ARHGAP9: variants seen among roughly 807,000 people sequenced by gnomAD.
ARHGAP9 encodes the protein Rho GTPase activating protein 9.
In ARHGAP9, 76 loss-of-function variants were observed where a neutral mutation model predicts 87.3. That is an observed-to-expected ratio of 0.87 (90% CI 0.72 to 1.05). ARHGAP9 has a LOEUF of 1.05. ARHGAP9 is among the 50% of genes least tolerant of loss of function. The pLI is 0.00. For synonymous variants in ARHGAP9, 382 were observed against 394.9 expected (o/e 0.97, Z 0.39); for missense variants, 941 against 960.5 (o/e 0.98, Z 0.27).
upstream of ARHGAP9, among the ~76,000 whole-genome samples, chr12:57,482,506 C>T (rs1038281864): frequency 4.6e-5 from 7 of 152,060 alleles, no homozygotes; most frequent in African/African-American, 1.4e-4. Flanking sequence ...TCCCAAAGTC[C>T]TGGGATTACA....
Position 57,478,665 on chromosome 12 carries a change from G to C in ARHGAP9, c.409C>G (p.Arg137Gly), listed in dbSNP as rs3802989. Reference protein sequence around the residue: ...ASSEQPPPLPRKMCRSVSTDN... With the variant: ...ASSEQPPPLPGKMCRSVSTDN... Reference sequence around the variant, plus strand: ...GTGCTGACGCTCCTACACATTTTGCGGGGAAGTGGAGGAGGCTGCTCCGAG... The same window carrying C: ...GTGCTGACGCTCCTACACATTTTGCCGGGAAGTGGAGGAGGCTGCTCCGAG... Residue 137 changes from arginine to glycine, a missense_variant, in exon 3 of 18, where the codon CGC becomes GGC. By Grantham distance (125) the Arg-to-Gly change is moderately radical. Transcript: ENST00000393791. 1.9e-6 allele frequency: 3 copies of C among 1,614,144 alleles called. No homozygotes were observed. The highest frequency in any genetic ancestry group is 1.7e-6 in the Non-Finnish European group (2 of 1,180,036).
intron 3 of ARHGAP9, chr12:57,478,201 G>A (rs1447826814): frequency 1.5e-5 from 5 of 332,900 alleles, no homozygotes; most frequent in Non-Finnish European, 2.8e-5. Context: ...AAGAGCACAG[G>A]GCTGGCCTTT....
chr12:57,476,613 A>G lies in ARHGAP9; in HGVS notation c.1002T>C (p.Ile334=). 6.2e-7 allele frequency: 1 copy of G among 1,614,148 alleles called. No individual in the cohort carries two copies. The highest frequency in any genetic ancestry group is 1.1e-5 in the South Asian group (1 of 91,084). ...EKSGLLNMTK[I]AQGGRKLRKN... Reference sequence around the variant, plus strand: ...ACCTGAGCTTGCGCCCCCCTTGGGCAATCTTGGTCATGTTGAGCAGACCCG... The same window carrying G: ...ACCTGAGCTTGCGCCCCCCTTGGGCGATCTTGGTCATGTTGAGCAGACCCG... Residue 334 remains isoleucine, a synonymous_variant, in exon 7 of 18, where the codon ATT becomes ATC. Coordinates refer to ENST00000393791, the MANE Select transcript of ARHGAP9 (RefSeq NM_032496.4).
Position 57,476,972 on chromosome 12 carries a change from G to C in ARHGAP9, c.871-9C>G, listed in dbSNP as rs1407474005. 6 of 1,612,100 alleles carry C rather than the reference G, an allele frequency of 3.7e-6. No individual in the cohort carries two copies. In the Admixed American group the frequency reaches 1.0e-4, roughly 27 times the overall value. ...CTGAGGCTGAGTGAACCCTAGGGGAGAGGATTGGAGAAACAGGTGGGGAAA... is the reference window on the plus strand; with the variant it reads ...CTGAGGCTGAGTGAACCCTAGGGGACAGGATTGGAGAAACAGGTGGGGAAA... On this transcript the variant is annotated splice_polypyrimidine_tract_variant and intron_variant, in intron 5 of 17. Coordinates refer to ENST00000393791, the MANE Select transcript of ARHGAP9 (RefSeq NM_032496.4).
rs369191928 is a variant in ARHGAP9 at position 57,476,919 on chromosome 12, T to G, written c.915A>C (p.Pro305=). ...GCAGAGGTCGAGGGGCCTGCAAGGC[T>G]GGAGGGTCAAGCTGCGAGGTGCGTT... is the stretch of plus-strand genomic sequence containing the variant. The part of the protein sequence containing the change: ...LSQRTSQLDP[P]ALQAPRPLPQ... The change falls in exon 6 of 18, where the codon CCA becomes CCC. Residue 305 remains proline (P), a synonymous_variant. Transcript: ENST00000393791. The G allele has an allele frequency of 2.2e-5, 35 of 1,613,568 alleles. No homozygotes were observed. In the African/African-American group the frequency reaches 4.4e-4, roughly 20 times the overall value.
chr12:57,474,831 C>CT, intron 13 of ARHGAP9, 44 bp downstream of exon 13: 1 of 1,612,578 alleles, frequency 6.2e-7, no homozygotes, highest in Non-Finnish European at 8.5e-7. Flanking sequence ...AATTCTAGGC[C>CT]TTAGCCTGTT....
chr12:57,488,596 G>A (rs1221050644), intron 1 of ARHGAP9: 1 of 1,550,938 alleles, frequency 6.4e-7, no homozygotes, highest in Admixed American at 2.0e-5. Context: ...ACACACACAC[G>A]TTCCTTTCTG....
chr12:57,478,374 G>A (rs1874510073), intron 3 of ARHGAP9, 166 bp downstream of exon 3: 1 of 699,878 alleles, frequency 1.4e-6, no homozygotes, highest in Non-Finnish European at 2.3e-6. Context: ...CACCACCTCA[G>A]CCACTCTCCA....
At chr12:57,488,759 G>T (rs1199676766) in exon 1 of ARHGAP9, 1 of 1,165,924 alleles carries the variant, frequency 8.6e-7, no homozygotes, top group Non-Finnish European at 1.2e-6. Context: ...GTTCTTGGCT[G>T]CAGCACTATC....
chr12:57,477,800 G>A, intron 3 of ARHGAP9, 120 bp from the exon 4 acceptor site: 1 of 1,534,178 alleles, frequency 6.5e-7, no homozygotes, highest in Non-Finnish European at 8.7e-7. Context: ...GCTCTGGGCT[G>A]AGGTGACCCA....
chr12:57,486,037 A>C (rs1875368837), intron 1 of ARHGAP9, among the ~76,000 whole-genome samples: 1 of 152,224 alleles, frequency 6.6e-6, no homozygotes. Flanking sequence ...ATAGCCTGCA[A>C]CTGAAGCTGC....
intron 1 of ARHGAP9, chr12:57,487,966 T>G (rs1419291667): frequency 6.7e-6 from 5 of 749,132 alleles, no homozygotes; most frequent in Non-Finnish European, 1.2e-5. Context: ...TAGTCTACTT[T>G]CCGGTAGCGG....
At chr12:57,478,447 G>C (rs1874522680) in intron 3 of ARHGAP9, 93 bp downstream of exon 3, 21 of 1,240,456 alleles carry the variant, frequency 1.7e-5, no homozygotes, top group Non-Finnish European at 2.3e-5. Context: ...ATTTGTTTTT[G>C]TGTTTGTCAT....
At chr12:57,472,799 C>A in intron 17 of ARHGAP9, 111 bp from the exon 18 acceptor site, 1 of 1,176,478 alleles carries the variant, frequency 8.5e-7, no homozygotes, top group Admixed American at 2.2e-5. Flanking sequence ...TGGGATTCCT[C>A]CACATGGTAA....
upstream of ARHGAP9, chr12:57,483,909 C>T: frequency 2.2e-6 from 1 of 453,816 alleles, no homozygotes; most frequent in African/African-American, 2.0e-5. Flanking sequence ...GTGTGCTGGC[C>T]CAGCTACTGT....
At chr12:57,473,200 G>T (rs1872415621) in intron 17 of ARHGAP9, among the ~76,000 whole-genome samples, 1 of 152,124 alleles carries the variant, frequency 6.6e-6, no homozygotes, top group Non-Finnish European at 1.5e-5. Context: ...ATCACCTGAG[G>T]TCAGGAGTTC....
At chr12:57,481,498 A>T (rs1875001872), upstream of ARHGAP9, among the ~76,000 whole-genome samples, 1 of 151,732 alleles carries the variant, frequency 6.6e-6, no homozygotes, top group Admixed American at 6.6e-5. Context: ...TGATCTGCCC[A>T]CCTCAGCCTC....
At position 57,475,890 on chromosome 12, in the gene ARHGAP9, G is replaced by A; in HGVS notation, c.1254C>T (p.Asp418=). 6.2e-7 allele frequency: 1 copy of A among 1,613,850 alleles called. No individual in the cohort carries two copies. The highest frequency in any genetic ancestry group is 2.2e-5 in the East Asian group (1 of 44,852). ...GCCAGGCTCGCAGCTCTGTCTCGTG[G>A]TCCGACTGCAGCAGGAACTCGTGGC... ...IPGHEFLLQS[D]HETELRAWHR... is the part of the protein sequence containing the mutation. The change falls in exon 10 of 18, where the codon GAC becomes GAT. Residue 418 remains aspartate, a synonymous_variant. Coordinates refer to ENST00000393791, the MANE Select transcript of ARHGAP9 (RefSeq NM_032496.4).
intron 1 of ARHGAP9, among the ~76,000 whole-genome samples, chr12:57,486,217 T>C (rs1875380877): frequency 6.6e-6 from 1 of 152,206 alleles, no homozygotes; most frequent in African/African-American, 2.4e-5. Flanking sequence ...ATAACAGGTA[T>C]GTGCTTCCTT....
Sources: gnomAD v4.1 joint callset for allele counts (sites outside exome capture counted in the v4.1 genomes callset) on GRCh38, gnomAD v4.1.1 for gene constraint, MANE v1.5 for transcripts, NCBI Gene and HGNC (gene_info 2026-07-23, HGNC 2026-07-21) for gene names.